The following GFI1B variants were observed in gnomAD, a reference collection of about 807,000 sequenced individuals.
GFI1B encodes growth factor independent 1B transcriptional repressor.
In GFI1B, 20 loss-of-function variants were observed where a neutral mutation model predicts 35.3. That is an observed-to-expected ratio of 0.57 (90% CI 0.40 to 0.82). GFI1B has a LOEUF of 0.82. Among genes scored for constraint, GFI1B ranks in the 40% least tolerant of loss-of-function variants. GFI1B has a pLI of 0.00. For missense variants in GFI1B, 430 were observed against 446.3 expected, an observed-to-expected ratio of 0.96 and a Z score of 0.33; for synonymous variants, 178 against 177.6, an observed-to-expected ratio of 1.00 and a Z score of -0.02.
At chr9:132,979,948 G>A (rs931082699) in intron 1 of GFI1B, among the ~76,000 whole-genome samples, 4 of 152,196 alleles carry the variant, frequency 2.6e-5, no homozygotes, top group African/African-American at 9.6e-5. Flanking sequence ...GCACCTGACC[G>A]CCTGGACGCG....
chr9:132,970,684 G>A (rs998648823), intron 1 of GFI1B, among the ~76,000 whole-genome samples: 5 of 152,050 alleles, frequency 3.3e-5, no homozygotes, highest in African/African-American at 9.7e-5. Flanking sequence ...AATTTCCTGC[G>A]GCAAAATGCT....
intron 1 of GFI1B, among the ~76,000 whole-genome samples, chr9:132,979,948 G>T (rs931082699): frequency 5.9e-5 from 9 of 152,196 alleles, no homozygotes; most frequent in Non-Finnish European, 1.3e-4. Flanking sequence ...GCACCTGACC[G>T]CCTGGACGCG....
At chr9:132,970,560 A>AG (rs1848519102) in intron 1 of GFI1B, among the ~76,000 whole-genome samples, 1 of 152,168 alleles carries the variant, frequency 6.6e-6, no homozygotes, top group Non-Finnish European at 1.5e-5. Context: ...AAGGTTGGCC[A>AG]GGGGGGTGTG....
At chr9:132,982,734 A>C (rs767584383) in intron 1 of GFI1B, among the ~76,000 whole-genome samples, 2 of 151,858 alleles carry the variant, frequency 1.3e-5, no homozygotes, top group Non-Finnish European at 2.9e-5. Flanking sequence ...ACAGGGGCCA[A>C]AAGGAAGTTC....
chr9:132,976,780 A>G (rs13298327), upstream of GFI1B, among the ~76,000 whole-genome samples: 3 of 151,658 alleles, frequency 2.0e-5, no homozygotes, highest in Non-Finnish European at 4.4e-5. Flanking sequence ...CCCATCTCTA[A>G]AAAAAATAAA....
intron 1 of GFI1B, among the ~76,000 whole-genome samples, chr9:132,969,585 A>C (rs887366550): frequency 1.3e-5 from 2 of 152,146 alleles, no homozygotes; most frequent in African/African-American, 4.8e-5. Context: ...AAATAACACT[A>C]CTGTGAACAC....
chr9:132,966,255 G>A (rs1424121511), intron 1 of GFI1B, among the ~76,000 whole-genome samples: 1 of 151,950 alleles, frequency 6.6e-6, no homozygotes, highest in Non-Finnish European at 1.5e-5. Context: ...GCTCCTCAGG[G>A]GGCTGAGGTG....
intron 1 of GFI1B, among the ~76,000 whole-genome samples, chr9:132,962,137 C>CT (rs56259129): frequency 0.46 from 59,729 of 129,486 alleles, 13,836 homozygotes; most frequent in African/African-American, 0.56. Context: ...TTTTTTTTTT[C>CT]TTTTTTTTTT....
At chr9:132,951,685 G>T (rs1040708434) in intron 1 of GFI1B, 1 of 152,206 alleles carries the variant, frequency 6.6e-6, no homozygotes, top group African/African-American at 2.4e-5. Context: ...ATAGCTGAAG[G>T]CTCTCTCTGC....
At chr9:132,985,197 G>A (rs531194101) in intron 1 of GFI1B, among the ~76,000 whole-genome samples, 1 of 152,332 alleles carries the variant, frequency 6.6e-6, no homozygotes, top group African/African-American at 2.4e-5. Flanking sequence ...AACCTCACAG[G>A]CTGAGTGCAG....
intron 6 of GFI1B, among the ~76,000 whole-genome samples, chr9:132,990,604 A>G (rs1440960122): frequency 6.6e-6 from 1 of 152,230 alleles, no homozygotes; most frequent in Non-Finnish European, 1.5e-5. Context: ...TGTGCCAGGT[A>G]TACCAGGCTT....
intron 1 of GFI1B, among the ~76,000 whole-genome samples, chr9:132,954,118 A>G (rs1440009647): frequency 1.3e-5 from 2 of 151,990 alleles, no homozygotes; most frequent in East Asian, 1.9e-4. Flanking sequence ...TTGTGTGTGT[A>G]TTGGTCTGTC....
chr9:132,981,237 C>A (rs894361923), intron 1 of GFI1B, among the ~76,000 whole-genome samples: 2 of 152,156 alleles, frequency 1.3e-5, no homozygotes, highest in African/African-American at 4.8e-5. Context: ...GCCATGAAAC[C>A]TGGGTTGCTT....
At chr9:132,950,581 CG>C (rs1848186520) in intron 1 of GFI1B, among the ~76,000 whole-genome samples, 1 of 100,380 alleles carries the variant, frequency 1.0e-5, no homozygotes. Flanking sequence ...TTTTTTGAGA[CG>C]GAGTCTCACT....
chr9:132,990,446 C>T (rs1221378841), intron 6 of GFI1B, among the ~76,000 whole-genome samples: 1 of 149,258 alleles, frequency 6.7e-6, no homozygotes, highest in Non-Finnish European at 1.5e-5. Context: ...CATTTGTTCA[C>T]TCATTCACTC....
intron 1 of GFI1B, among the ~76,000 whole-genome samples, chr9:132,950,981 G>A (rs1012771088): frequency 5.9e-5 from 9 of 151,924 alleles, no homozygotes; most frequent in Non-Finnish European, 1.0e-4. Flanking sequence ...GGGACCACAG[G>A]AGTGTGGTAT....
intron 6 of GFI1B, among the ~76,000 whole-genome samples, chr9:132,990,529 ATTCC>A (rs768122581): frequency 3.9e-5 from 6 of 152,216 alleles, no homozygotes; most frequent in Non-Finnish European, 7.3e-5. Flanking sequence ...TTGCTTATTC[ATTCC>A]TTCACTCATT....
At chr9:132,980,182 C>T (rs1445434739) in intron 1 of GFI1B, among the ~76,000 whole-genome samples, 1 of 151,648 alleles carries the variant, frequency 6.6e-6, no homozygotes, top group African/African-American at 2.4e-5. Context: ...CACTCAAAAC[C>T]AGCGCAGACC....
At chr9:132,966,478 T>C (rs759719766) in intron 1 of GFI1B, among the ~76,000 whole-genome samples, 1 of 152,192 alleles carries the variant, frequency 6.6e-6, no homozygotes, top group Non-Finnish European at 1.5e-5. Flanking sequence ...TACACTCTCA[T>C]TTTTTAGAAC....
Sources: gnomAD v4.1 joint callset for allele counts (sites outside exome capture counted in the v4.1 genomes callset) on GRCh38, gnomAD v4.1.1 for gene constraint, MANE v1.5 for transcripts, NCBI Gene and HGNC (gene_info 2026-07-23, HGNC 2026-07-21) for gene names.